Variants in PREX1 observed in about 807,000 individuals in gnomAD.
PREX1 encodes phosphatidylinositol-3,4,5-trisphosphate dependent Rac exchange factor 1.
A neutral mutation model predicts 198.3 loss-of-function variants in PREX1; 41 were observed. The ratio of observed to expected loss-of-function variants is 0.21; its 90% CI spans 0.16 to 0.27. PREX1 has a LOEUF of 0.27. Among genes scored for constraint, PREX1 ranks in the 10% least tolerant of loss-of-function variants. The pLI, the probability that PREX1 is intolerant of heterozygous loss-of-function variation, is 1.00. For missense variants in PREX1, 1,620 were observed against 2,200.7 expected (o/e 0.74, Z 5.28); for synonymous variants, 843 against 887.2 (o/e 0.95, Z 0.89).
At chr20:48,721,776 G>T (rs1450284725) in intron 5 of PREX1, among the ~76,000 whole-genome samples, 1 of 152,222 alleles carries the variant, frequency 6.6e-6, no homozygotes. Flanking sequence ...GGCCGTGGCA[G>T]TGTCCCAGCA....
chr20:48,687,006 C>A (rs12481119), intron 10 of PREX1, among the ~76,000 whole-genome samples: 1 of 152,080 alleles, frequency 6.6e-6, no homozygotes, highest in African/African-American at 2.4e-5. Flanking sequence ...CCTTGGCTTC[C>A]GGAGGAGTGC....
chr20:48,865,786 G>A, the PREX1 span, among the ~76,000 whole-genome samples: 11 of 152,080 alleles, frequency 7.2e-5, no homozygotes, highest in African/African-American at 2.7e-4. Flanking sequence ...CGTAGGAAAT[G>A]GTCAATAAGG....
chr20:48,628,572 G>A (rs760347840), intron 37 of PREX1, among the ~76,000 whole-genome samples: 30 of 152,122 alleles, frequency 2.0e-4, no homozygotes, highest in African/African-American at 4.6e-4. Context: ...GCAGCATCCC[G>A]GCCTCTACCC....
intron 32 of PREX1, among the ~76,000 whole-genome samples, 196 bp downstream of exon 32, chr20:48,636,267 G>A (rs1204312289): frequency 3.3e-5 from 5 of 152,240 alleles, no homozygotes; most frequent in African/African-American, 1.2e-4. Context: ...AGATCCCTGG[G>A]TACAGGGACT....
chr20:48,632,120 T>A (rs980897832), intron 35 of PREX1, among the ~76,000 whole-genome samples, 157 bp downstream of exon 35: 7 of 152,210 alleles, frequency 4.6e-5, no homozygotes. Flanking sequence ...ATTGAGAATC[T>A]CACGCAGGCA....
chr20:48,852,260 A>G, the PREX1 span, among the ~76,000 whole-genome samples: 1 of 152,102 alleles, frequency 6.6e-6, no homozygotes, highest in Non-Finnish European at 1.5e-5. Context: ...ACCTGGTGAA[A>G]TCAAATGACT....
chr20:48,810,339 T>C (rs2090428420), intron 1 of PREX1, among the ~76,000 whole-genome samples: 1 of 151,722 alleles, frequency 6.6e-6, no homozygotes, highest in South Asian at 2.1e-4. Flanking sequence ...TCCCAACACT[T>C]TGGGAGGCTG....
intron 33 of PREX1, 148 bp from the exon 34 acceptor site, chr20:48,632,787 G>C (rs1160986234): frequency 1.2e-6 from 1 of 821,530 alleles, no homozygotes; most frequent in Non-Finnish European, 1.9e-6. Flanking sequence ...ACTCTACAGG[G>C]GTAGCCTCAG....
chr20:48,695,298 C>T (rs572512490), intron 7 of PREX1, among the ~76,000 whole-genome samples: 226 of 152,352 alleles, frequency 1.5e-3, no homozygotes, highest in Middle Eastern at 0.014. Context: ...CACCCAACCT[C>T]ATGGCTGTGA....
intron 1 of PREX1, among the ~76,000 whole-genome samples, chr20:48,749,569 T>C (rs1235921315): frequency 6.6e-6 from 1 of 152,138 alleles, no homozygotes; most frequent in African/African-American, 2.4e-5. Context: ...GGCTGTCAGA[T>C]CCTTTCCATC....
intron 1 of PREX1, among the ~76,000 whole-genome samples, chr20:48,787,082 G>A (rs1407508551): frequency 2.0e-5 from 3 of 151,390 alleles, no homozygotes; most frequent in African/African-American, 4.9e-5. Flanking sequence ...GGCTAGAAAC[G>A]TCCAGCAAAG....
At chr20:48,787,084 C>T (rs959388891) in intron 1 of PREX1, among the ~76,000 whole-genome samples, 1 of 151,918 alleles carries the variant, frequency 6.6e-6, no homozygotes, top group Non-Finnish European at 1.5e-5. Context: ...CTAGAAACGT[C>T]CAGCAAAGGC....
At position 48,763,616 on chromosome 20, in the gene PREX1, G is replaced by A. The variant is rs189281221; in HGVS notation, c.220-15736C>T. On this transcript the variant is annotated intron_variant, in intron 1 of 39. Coordinates refer to ENST00000371941, the MANE Select transcript of PREX1 (RefSeq NM_020820.4). Reference sequence around the variant, plus strand: ...AAACAATTGTTCCTGGGGCTGGAGGGCGAGCAGTCCCCCCTTAGCTGGTGA... The same window carrying A: ...AAACAATTGTTCCTGGGGCTGGAGGACGAGCAGTCCCCCCTTAGCTGGTGA... Among the ~76,000 whole-genome samples the A allele has an allele frequency of 9.8e-5, 15 of 152,306 alleles. No individual in the cohort carries two copies. In the East Asian group the frequency reaches 2.5e-3, roughly 25 times the overall value.
rs577933520 is a variant in PREX1, at chr20:48,737,446, T to G, written c.415-2796A>C. Reference sequence around the variant, plus strand: ...CGGCGTTTTCATCTGTTGAGGTCACTGCTGTGATGTCAATGGGGTCAGCGG... The same window carrying G: ...CGGCGTTTTCATCTGTTGAGGTCACGGCTGTGATGTCAATGGGGTCAGCGG... On this transcript the variant is annotated intron_variant, in intron 3 of 39. Transcript: ENST00000371941. 2.9e-3 allele frequency among the ~76,000 whole-genome samples: 446 copies of G among 152,248 alleles called. 2 individuals are homozygous for G. The highest frequency in any genetic ancestry group is 0.022 in the South Asian group (107 of 4,824).
chr20:48,769,271 T>C (rs927607846), intron 1 of PREX1, among the ~76,000 whole-genome samples: 4 of 152,002 alleles, frequency 2.6e-5, no homozygotes, highest in Non-Finnish European at 5.9e-5. Flanking sequence ...CTGGGGGTGG[T>C]GGTGCGGGGG....
At chr20:48,702,745 T>C (rs1204425354) in intron 6 of PREX1, among the ~76,000 whole-genome samples, 1 of 152,238 alleles carries the variant, frequency 6.6e-6, no homozygotes, top group Non-Finnish European at 1.5e-5. Flanking sequence ...GCACTGCTAA[T>C]GAGAACAGCG....
At chr20:48,653,914 C>T (rs1395906631) in intron 19 of PREX1, among the ~76,000 whole-genome samples, 1 of 152,238 alleles carries the variant, frequency 6.6e-6, no homozygotes, top group African/African-American at 2.4e-5. Flanking sequence ...CTATGAGACT[C>T]CAAGGGCAAG....
At chr20:48,859,879 A>G in the PREX1 span, among the ~76,000 whole-genome samples, 2 of 152,170 alleles carry the variant, frequency 1.3e-5, no homozygotes, top group African/African-American at 4.8e-5. Flanking sequence ...TTGGCCAGGC[A>G]TGGTGGCGCA....
the PREX1 span, among the ~76,000 whole-genome samples, chr20:48,840,227 C>T: frequency 6.6e-6 from 1 of 151,758 alleles, no homozygotes; most frequent in South Asian, 2.1e-4. Flanking sequence ...GTTCCCTATG[C>T]TGGTCTCAAT....
Sources: gnomAD v4.1 joint callset for allele counts (sites outside exome capture counted in the v4.1 genomes callset) on GRCh38, gnomAD v4.1.1 for gene constraint, MANE v1.5 for transcripts, NCBI Gene and HGNC (gene_info 2026-07-23, HGNC 2026-07-21) for gene names.